REV1: variants seen among roughly 807,000 people sequenced by gnomAD.
The protein encoded by REV1 is translesion synthesis protein REV1.
A neutral mutation model predicts 137.4 loss-of-function variants in REV1; 42 were observed. That is an observed-to-expected ratio of 0.31 (90% CI 0.24 to 0.40). REV1 has a LOEUF of 0.40. Ranked by LOEUF, REV1 falls within the 10% of genes least tolerant of loss-of-function variation. REV1 has a pLI of 1.00. For missense variants in REV1, 1,282 were observed against 1,490.1 expected, an observed-to-expected ratio of 0.86 and a Z score of 2.30; for synonymous variants, 524 against 519.2, an observed-to-expected ratio of 1.01 and a Z score of -0.12.
rs562511927 is a variant in REV1, at chr2:99,410,633, T to C, written c.2345+62A>G. 63 of 1,389,470 alleles carry C rather than the reference T, an allele frequency of 4.5e-5. 1 individual carries two copies. In the South Asian group the frequency reaches 7.5e-4, roughly 17 times the overall value. The allele number at this position is 1,389,470 out of a possible 1,614,324, so 86.1% of individuals were successfully genotyped here. A position where few individuals can be genotyped will look rare whatever the true frequency, so the allele number is the denominator to read the frequency against. On this transcript the variant is annotated intron_variant, in intron 14 of 22. Coordinates refer to ENST00000258428, the MANE Select transcript of REV1 (RefSeq NM_016316.4). Reference sequence around the variant, plus strand: ...CTCCTCCTTGGTTTTCTTCATTTTCTATTACTTACAACAACCTGTACTGAA... The same window carrying C: ...CTCCTCCTTGGTTTTCTTCATTTTCCATTACTTACAACAACCTGTACTGAA...
At chr2:99,472,530 C>T (rs1288245895) in intron 1 of REV1, among the ~76,000 whole-genome samples, 2 of 152,004 alleles carry the variant, frequency 1.3e-5, no homozygotes, top group South Asian at 4.1e-4. Context: ...ATGTATCGTA[C>T]CACAATTAAG....
chr2:99,417,503 A>G (rs1052391434), intron 12 of REV1, among the ~76,000 whole-genome samples: 6 of 152,214 alleles, frequency 3.9e-5, no homozygotes, highest in Non-Finnish European at 8.8e-5. Context: ...AAACAAGGTC[A>G]TATTGATGAG....
At chr2:99,423,673 T>A (rs1015764269) in intron 10 of REV1, among the ~76,000 whole-genome samples, 2 of 152,210 alleles carry the variant, frequency 1.3e-5, no homozygotes, top group Admixed American at 6.5e-5. Flanking sequence ...TTGAAACTAT[T>A]ATTAAAGACC....
At position 99,402,916 on chromosome 2, in the gene REV1, A is replaced by G; in HGVS notation, c.3357T>C (p.His1119=). ...PQKLIDGFLK[H]EGPPAEKPLE... ...GGGGTTTCTCTGCAGGAGGTCCTTC[A>G]TGTTTTAGAAACCCATCAATTAACT... is the stretch of plus-strand genomic sequence containing the variant. The change falls in exon 20 of 23, where the codon CAT becomes CAC. Residue 1119 remains histidine, a synonymous_variant. Transcript: ENST00000258428. 3 of 1,614,116 alleles carry G rather than the reference A, an allele frequency of 1.9e-6. No homozygotes were observed. Among genetic ancestry groups the G allele is most frequent in the Admixed American group, 1.7e-5 (1 of 60,000 alleles).
chr2:99,403,173 G>T (rs1675740728), intron 19 of REV1, 67 bp from the exon 20 acceptor site: 3 of 1,312,304 alleles, frequency 2.3e-6, no homozygotes, highest in South Asian at 3.0e-5. Context: ...GACAGTATTG[G>T]GTTCTCTTTT....
intron 9 of REV1, among the ~76,000 whole-genome samples, chr2:99,428,897 CAGG>C (rs1388226281): frequency 2.6e-4 from 39 of 148,478 alleles, no homozygotes; most frequent in African/African-American, 8.9e-4. Context: ...GAGGCTGAGG[CAGG>C]AGAATGGCAT....
intron 1 of REV1, 122 bp from the exon 2 acceptor site, chr2:99,465,107 CAATATT>C (rs1684652904): frequency 6.0e-5 from 34 of 566,278 alleles, no homozygotes; most frequent in Middle Eastern, 4.0e-4. Context: ...TGAAAGTATA[CAATATT>C]AAGTAAACTT....
At position 99,406,038 on chromosome 2, in the gene REV1, G is replaced by C. The variant is rs754364040; in HGVS notation, c.2683C>G (p.Pro895Ala). 1 of 1,613,896 alleles carries C rather than the reference G, an allele frequency of 6.2e-7. No homozygotes were observed. The highest frequency in any genetic ancestry group is 8.5e-7 in the Non-Finnish European group (1 of 1,179,936). The stretch of plus-strand genomic sequence containing the variant: ...TCAGGACTGGTCGGCAGATGTGCAG[G>C]AAAAGGTGGCAAGAAAGTGCAAGTT... ...SRTCTFLPPF[P>A]AHLPTSPDTN... is the part of the protein sequence containing the mutation. Residue 895 changes from proline to alanine, a missense_variant, in exon 17 of 23, where the codon CCT becomes GCT. Pro to Ala is a conservative substitution (Grantham distance 27, BLOSUM62 -1). This residue lies in a region of REV1 where 372 missense variants were observed against 482.3 expected (regional missense o/e 0.77). Coordinates refer to ENST00000258428, the MANE Select transcript of REV1 (RefSeq NM_016316.4).
At chr2:99,406,766 A>T (rs1256307521) in intron 15 of REV1, 1 of 244,042 alleles carries the variant, frequency 4.1e-6, no homozygotes, top group Non-Finnish European at 7.7e-6. Context: ...AAACAAGTGG[A>T]ATACTGTATT....
Position 99,418,840 on chromosome 2 carries a change from T to A in REV1, c.1939A>T (p.Thr647Ser), listed in dbSNP as rs1456584201. ...TATTTCTATTTACCTGGTAGATTGGTCACTAGCTGGCCTCTGATAAAATCA... is the reference window on the plus strand; with the variant it reads ...TATTTCTATTTACCTGGTAGATTGGACACTAGCTGGCCTCTGATAAAATCA... ...VDDFIRGQLV[T>S]NLPGVGHSME... The change falls in exon 12 of 23, where the codon ACC (threonine) becomes TCC (serine). Residue 647 changes from threonine (T) to serine (S), a missense_variant. By Grantham distance (58) the Thr-to-Ser change is moderately conservative (BLOSUM62 1). Transcript: ENST00000258428. The A allele has an allele frequency of 9.9e-6, 16 of 1,611,752 alleles. No homozygotes were observed. The highest frequency in any genetic ancestry group is 1.4e-5 in the Non-Finnish European group (16 of 1,178,258).
In REV1 at chr2:99,408,080, C is replaced by T. The variant is rs776760606; in HGVS notation, c.2397G>A (p.Ala799=). Residue 799 remains alanine (A), a synonymous_variant, in exon 15 of 23, where the codon GCG becomes GCA. Transcript: ENST00000258428. ...ATDNAKIIGK[A]MLNMFHTMKL... ...TCATTGTATGAAACATGTTTAGCAT[C>T]GCCTTTCCAATTATTTTTGCATTAT... is the stretch of plus-strand genomic sequence containing the variant. The T allele has an allele frequency of 3.0e-5, 49 of 1,610,470 alleles. No individual in the cohort carries two copies. Among genetic ancestry groups the T allele is most frequent in the African/African-American group, 8.0e-5 (6 of 74,770 alleles).
At chr2:99,485,146 G>C (rs1278888915) in intron 1 of REV1, among the ~76,000 whole-genome samples, 2 of 152,158 alleles carry the variant, frequency 1.3e-5, no homozygotes, top group African/African-American at 4.8e-5. Flanking sequence ...ATCCTACAAA[G>C]AAGCATTTTA....
intron 3 of REV1, among the ~76,000 whole-genome samples, chr2:99,453,892 C>CAAAAAAAA (rs58291328): frequency 2.1e-5 from 1 of 48,014 alleles, no homozygotes; most frequent in African/African-American, 8.2e-5. Context: ...GGCTCTGTCT[C>CAAAAAAAA]AAAAAAAAAA....
chr2:99,425,802 C>T (rs1559324831), intron 9 of REV1, among the ~76,000 whole-genome samples: 2 of 151,878 alleles, frequency 1.3e-5, no homozygotes, highest in Non-Finnish European at 2.9e-5. Flanking sequence ...TTTGGGAGGC[C>T]GAGGCAGGCA....
At chr2:99,433,522 G>A (rs1680377576) in intron 8 of REV1, among the ~76,000 whole-genome samples, 1 of 152,122 alleles carries the variant, frequency 6.6e-6, no homozygotes. Flanking sequence ...TAATTTCATT[G>A]GAGTCATTGT....
At chr2:99,411,702 T>C (rs865996998) in intron 13 of REV1, among the ~76,000 whole-genome samples, 1 of 150,668 alleles carries the variant, frequency 6.6e-6, no homozygotes, top group Non-Finnish European at 1.5e-5. Context: ...AGCCACCGCA[T>C]AGGGCCCCTT....
chr2:99,423,863 G>T (rs914667421), intron 10 of REV1, among the ~76,000 whole-genome samples: 1 of 152,144 alleles, frequency 6.6e-6, no homozygotes, highest in South Asian at 2.1e-4. Flanking sequence ...GGCTCCATGG[G>T]AAGAAAACCA....
chr2:99,409,702 G>A (rs554772924), intron 14 of REV1, among the ~76,000 whole-genome samples: 1 of 151,812 alleles, frequency 6.6e-6, no homozygotes, highest in East Asian at 2.0e-4. Flanking sequence ...AAATTCGCTG[G>A]GCATGGTGGC....
At chr2:99,431,729 G>A in intron 8 of REV1, 1 of 985,410 alleles carries the variant, frequency 1.0e-6, no homozygotes, top group Non-Finnish European at 1.2e-6. Context: ...CCTCTCCATT[G>A]GGCTGGCTGA....
Sources: allele counts gnomAD v4.1 joint callset (sites outside exome capture counted in the v4.1 genomes callset), GRCh38; gene constraint gnomAD v4.1.1; regional missense constraint gnomAD v4.1.1; transcripts MANE v1.5; gene names NCBI Gene and HGNC (gene_info 2026-07-23, HGNC 2026-07-21).